The following ROBO1 variants were observed in gnomAD, a reference collection of about 807,000 sequenced individuals.
ROBO1 encodes the protein roundabout homolog 1.
ROBO1 carries 149 observed loss-of-function variants against 195.9 expected under a neutral mutation model. The ratio of observed to expected loss-of-function variants is 0.76; its 90% CI spans 0.67 to 0.87. ROBO1 has a LOEUF of 0.87. ROBO1 is among the 40% of genes least tolerant of loss of function. ROBO1 has a pLI of 0.00. For synonymous variants in ROBO1, 816 were observed against 733.2 expected, an observed-to-expected ratio of 1.11 and a Z score of -1.82; for missense variants, 1,933 against 2,068.3, an observed-to-expected ratio of 0.93 and a Z score of 1.27.
intron 2 of ROBO1, among the ~76,000 whole-genome samples, chr3:79,297,492 A>T (rs2109047499): frequency 6.6e-6 from 1 of 152,246 alleles, no homozygotes; most frequent in South Asian, 2.1e-4. Flanking sequence ...ATGTAACCAG[A>T]TCTTGCTACA....
At chr3:79,043,371 A>G (rs1230418723) in intron 3 of ROBO1, among the ~76,000 whole-genome samples, 1 of 152,046 alleles carries the variant, frequency 6.6e-6, no homozygotes, top group African/African-American at 2.4e-5. Context: ...CTTAATGACT[A>G]TTTTTAATTA....
chr3:78,892,179 GCAAAACCCT>G (rs2036942765), intron 4 of ROBO1, among the ~76,000 whole-genome samples: 1 of 152,114 alleles, frequency 6.6e-6, no homozygotes, highest in Non-Finnish European at 1.5e-5. Flanking sequence ...GGGCAACATG[GCAAAACCCT>G]GTCTCTACAA....
rs146017946 is a variant in ROBO1 at position 79,429,004 on chromosome 3, C to A, written c.88+160820G>T. 5.6e-4 allele frequency among the ~76,000 whole-genome samples: 85 copies of A among 152,144 alleles called. No homozygotes were observed. The East Asian group carries it at 0.014, about 25-fold the overall frequency. ...GACATAAAGGAACCTTTGGGGATGA[C>A]GGAAATATTACGTGTCTTAATTATG... On this transcript the variant is annotated intron_variant, in intron 2 of 30. Coordinates refer to ENST00000464233, the MANE Select transcript of ROBO1 (RefSeq NM_002941.4).
intron 3 of ROBO1, among the ~76,000 whole-genome samples, chr3:78,944,298 T>G (rs1461448909): frequency 1.3e-5 from 2 of 152,204 alleles, no homozygotes; most frequent in East Asian, 3.8e-4. Flanking sequence ...ACACTGGAGG[T>G]GTTCACTTTG....
intron 1 of ROBO1, among the ~76,000 whole-genome samples, chr3:79,719,740 T>C (rs977493623): frequency 6.6e-6 from 1 of 152,196 alleles, no homozygotes; most frequent in Admixed American, 6.5e-5. Flanking sequence ...AATCAACATT[T>C]TCTAAATGTC....
intron 2 of ROBO1, among the ~76,000 whole-genome samples, chr3:79,544,649 T>A (rs909837036): frequency 6.6e-6 from 1 of 152,020 alleles, no homozygotes. Flanking sequence ...TTTATAAAAA[T>A]TTTTGTATAT....
At chr3:79,320,834 G>A (rs1010942043) in intron 2 of ROBO1, among the ~76,000 whole-genome samples, 1 of 152,148 alleles carries the variant, frequency 6.6e-6, no homozygotes, top group Non-Finnish European at 1.5e-5. Context: ...TTTAATTTTA[G>A]ATGCTATACA....
chr3:79,082,884 C>T (rs1465303235), intron 3 of ROBO1, among the ~76,000 whole-genome samples: 1 of 152,046 alleles, frequency 6.6e-6, no homozygotes, highest in Non-Finnish European at 1.5e-5. Context: ...GCAGGTTGAA[C>T]TTATTTTTAG....
At chr3:78,751,320 T>C (rs969193971) in intron 4 of ROBO1, among the ~76,000 whole-genome samples, 5 of 151,630 alleles carry the variant, frequency 3.3e-5, no homozygotes, top group African/African-American at 1.2e-4. Context: ...ATAATAATAA[T>C]GTCAGCAATA....
intron 1 of ROBO1, among the ~76,000 whole-genome samples, chr3:79,745,002 T>A (rs778564166): frequency 1.6e-4 from 25 of 152,142 alleles, no homozygotes; most frequent in Admixed American, 2.6e-4. Context: ...TGGTATCCAA[T>A]GATTATTCCT....
chr3:79,691,470 A>G (rs1947295603), intron 1 of ROBO1, among the ~76,000 whole-genome samples: 1 of 151,382 alleles, frequency 6.6e-6, no homozygotes, highest in East Asian at 1.9e-4. Context: ...TAATATATAT[A>G]AATATATATG....
intron 4 of ROBO1, among the ~76,000 whole-genome samples, chr3:78,786,385 C>T (rs1211237454): frequency 1.3e-5 from 2 of 152,108 alleles, no homozygotes; most frequent in Non-Finnish European, 2.9e-5. Context: ...CTTTTAAAAT[C>T]ATTAATTGAG....
At chr3:78,605,141 G>A (rs376616276) in intron 29 of ROBO1, among the ~76,000 whole-genome samples, 38 of 151,944 alleles carry the variant, frequency 2.5e-4, no homozygotes, top group South Asian at 4.1e-4. Context: ...TTTTTTCCTC[G>A]CTTGGTTTAC....
At chr3:78,913,515 C>T (rs958929115) in intron 4 of ROBO1, among the ~76,000 whole-genome samples, 24 of 151,796 alleles carry the variant, frequency 1.6e-4, no homozygotes, top group Non-Finnish European at 3.1e-4. Flanking sequence ...TTTAAAATTC[C>T]ATTGATTCAT....
chr3:78,914,873 G>T (rs2038461887), intron 4 of ROBO1, among the ~76,000 whole-genome samples: 1 of 150,872 alleles, frequency 6.6e-6, no homozygotes, highest in South Asian at 2.1e-4. Context: ...CTTAAGGTAA[G>T]ATAATAAATG....
rs2035721467 is a variant in ROBO1, at chr3:78,874,449, A to G, written c.499+64152T>C. The stretch of plus-strand genomic sequence containing the variant: ...CTCAAAATTTGCATTATAACTTATA[A>G]TGCAAATGCTAATGTATATAATACT... On this transcript the variant is annotated intron_variant, in intron 4 of 30. Coordinates refer to ENST00000464233, the MANE Select transcript of ROBO1 (RefSeq NM_002941.4). 2.6e-5 allele frequency among the ~76,000 whole-genome samples: 4 copies of G among 151,974 alleles called. No homozygotes were observed. In the South Asian group the frequency reaches 8.3e-4, roughly 31 times the overall value.
At chr3:79,165,284 T>C (rs2081043640) in intron 2 of ROBO1, among the ~76,000 whole-genome samples, 1 of 152,234 alleles carries the variant, frequency 6.6e-6, no homozygotes, top group South Asian at 2.1e-4. Context: ...GTAGTAGTTC[T>C]GTACATGTAG....
chr3:78,914,898 T>C (rs1223356498), intron 4 of ROBO1, among the ~76,000 whole-genome samples: 8 of 151,528 alleles, frequency 5.3e-5, no homozygotes, highest in Admixed American at 5.3e-4. Context: ...ATCAATTATC[T>C]ATTATATAAT....
Position 78,769,287 on chromosome 3 carries a change from T to C in ROBO1, c.500-22387A>G, listed in dbSNP as rs181626488. Reference sequence around the variant, plus strand: ...GTTTAGGATTGTGATATTTTCCTGTTGGACAAGGCCTTTTACCATTATATA... The same window carrying C: ...GTTTAGGATTGTGATATTTTCCTGTCGGACAAGGCCTTTTACCATTATATA... On this transcript the variant is annotated intron_variant, in intron 4 of 30. Transcript: ENST00000464233. 2.8e-3 allele frequency among the ~76,000 whole-genome samples: 426 copies of C among 152,348 alleles called. 1 individual carries two copies. Among genetic ancestry groups the C allele is most frequent in the Middle Eastern group, 0.014 (4 of 294 alleles).
Sources: allele counts gnomAD v4.1 joint callset (sites outside exome capture counted in the v4.1 genomes callset), GRCh38; gene constraint gnomAD v4.1.1; transcripts MANE v1.5; gene names NCBI Gene and HGNC (gene_info 2026-07-23, HGNC 2026-07-21).